ELMO1: variants seen among roughly 807,000 people sequenced by gnomAD.
The protein encoded by ELMO1 is engulfment and cell motility 1.
A neutral mutation model predicts 98.9 loss-of-function variants in ELMO1; 26 were observed. The ratio of observed to expected loss-of-function variants is 0.26; its 90% CI spans 0.19 to 0.36. ELMO1 has a LOEUF of 0.36. Among genes scored for constraint, ELMO1 ranks in the 10% least tolerant of loss-of-function variants. The pLI, the probability that ELMO1 is intolerant of heterozygous loss-of-function variation, is 1.00. For synonymous variants in ELMO1, 346 were observed against 346.0 expected (o/e 1.00, Z 0.00); for missense variants, 627 against 935.2 (o/e 0.67, Z 4.30).
At chr7:37,205,534 A>C (rs567604992) in intron 13 of ELMO1, among the ~76,000 whole-genome samples, 2 of 152,282 alleles carry the variant, frequency 1.3e-5, no homozygotes, top group East Asian at 3.9e-4. Context: ...TCGGAACATA[A>C]AAACAGCACT....
chr7:37,082,719 T>TCAAA (rs34913326), intron 15 of ELMO1, among the ~76,000 whole-genome samples: 23,904 of 151,122 alleles, frequency 0.16, 2,124 homozygotes, highest in Middle Eastern at 0.32. Context: ...TGACCCTGTC[T>TCAAA]CAAACAAACA....
intron 7 of ELMO1, among the ~76,000 whole-genome samples, chr7:37,241,808 A>T (rs904631002): frequency 6.6e-6 from 1 of 152,202 alleles, no homozygotes; most frequent in Non-Finnish European, 1.5e-5. Context: ...ATTGTCATAC[A>T]TATTGCATCA....
In ELMO1 at chr7:37,045,907, C is replaced by T. The variant is rs927374910; in HGVS notation, c.1301-32472G>A. ...TCCCTATCTCATAGGCTCTGAGAGG[C>T]GAAGGATAGCCTTCCTAGGTAGGCA... On this transcript the variant is annotated intron_variant, in intron 15 of 21. Coordinates refer to ENST00000310758, the MANE Select transcript of ELMO1 (RefSeq NM_014800.11). Among the ~76,000 whole-genome samples, 61 of 152,164 alleles carry T rather than the reference C, an allele frequency of 4.0e-4. 1 individual carries two copies. The highest frequency in any genetic ancestry group is 1.7e-4 in the African/African-American group (7 of 41,440).
intron 14 of ELMO1, among the ~76,000 whole-genome samples, chr7:37,123,506 C>T (rs1432794280): frequency 1.3e-5 from 2 of 152,184 alleles, no homozygotes; most frequent in African/African-American, 4.8e-5. Context: ...ATACTATAAA[C>T]ACCTCTACAT....
At chr7:37,417,174 A>T (rs10261084) in intron 1 of ELMO1, among the ~76,000 whole-genome samples, 25,477 of 152,168 alleles carry the variant, frequency 0.17, 2,312 homozygotes, top group South Asian at 0.26. Context: ...AGACTGGACC[A>T]GAGGCAGCTG....
At chr7:37,105,000 C>T (rs1245227627) in intron 14 of ELMO1, among the ~76,000 whole-genome samples, 1 of 152,054 alleles carries the variant, frequency 6.6e-6, no homozygotes, top group African/African-American at 2.4e-5. Flanking sequence ...TAATAAAGGC[C>T]ATAAATATAA....
intron 15 of ELMO1, among the ~76,000 whole-genome samples, chr7:37,060,455 G>A (rs1365021268): frequency 6.6e-6 from 1 of 152,092 alleles, no homozygotes; most frequent in Non-Finnish European, 1.5e-5. Context: ...GGAGCTAAAC[G>A]CTGGGTACAC....
intron 13 of ELMO1, among the ~76,000 whole-genome samples, chr7:37,155,487 C>CAAAAAAAA (rs781745325): frequency 2.4e-4 from 12 of 49,672 alleles, no homozygotes; most frequent in East Asian, 5.9e-4. Flanking sequence ...AAACGGAAAG[C>CAAAAAAAA]AAAAAAAAAA....
chr7:37,112,979 T>C (rs946849369), intron 14 of ELMO1, among the ~76,000 whole-genome samples: 1 of 152,206 alleles, frequency 6.6e-6, no homozygotes, highest in Non-Finnish European at 1.5e-5. Flanking sequence ...ATGAATCCTA[T>C]TCAAAAAGGG....
In ELMO1 at chr7:37,152,160, C is replaced by T. The variant is rs567163246; in HGVS notation, c.1087-18926G>A. ...AAATAAAAAATAAAGCTTTGGTGTC[C>T]TTGTGAACCTCATGCAGTCATGGTT... On this transcript the variant is annotated intron_variant, in intron 13 of 21. Transcript: ENST00000310758. Among the ~76,000 whole-genome samples the T allele has an allele frequency of 4.4e-4, 67 of 152,292 alleles. 1 individual carries two copies. Among genetic ancestry groups the T allele is most frequent in the Admixed American group, 3.9e-3 (60 of 15,306 alleles).
At chr7:37,052,929 A>G (rs1203005575) in intron 15 of ELMO1, among the ~76,000 whole-genome samples, 1 of 152,136 alleles carries the variant, frequency 6.6e-6, no homozygotes, top group Non-Finnish European at 1.5e-5. Context: ...CTCTTCCATA[A>G]AGAAAGCCTG....
chr7:37,153,224 A>T (rs540429927), intron 13 of ELMO1, among the ~76,000 whole-genome samples: 6 of 152,350 alleles, frequency 3.9e-5, no homozygotes, highest in African/African-American at 1.4e-4. Flanking sequence ...ATATTGACGC[A>T]GCAGACGGGT....
intron 13 of ELMO1, among the ~76,000 whole-genome samples, chr7:37,190,003 T>A: frequency 7.3e-6 from 1 of 137,540 alleles, no homozygotes. Flanking sequence ...CCATGCCAAA[T>A]CAGATTTCTA....
At chr7:37,237,166 CT>C (rs1433009087) in intron 7 of ELMO1, among the ~76,000 whole-genome samples, 1 of 152,214 alleles carries the variant, frequency 6.6e-6, no homozygotes, top group African/African-American at 2.4e-5. Context: ...TAGACACCAT[CT>C]TCATTCCAAC....
chr7:37,143,869 C>G (rs1043565943), intron 13 of ELMO1, among the ~76,000 whole-genome samples: 4 of 151,830 alleles, frequency 2.6e-5, no homozygotes, highest in African/African-American at 9.7e-5. Context: ...CGTCACCATG[C>G]CTGGCTAAGT....
intron 1 of ELMO1, among the ~76,000 whole-genome samples, chr7:37,442,691 G>A (rs923603061): frequency 5.9e-5 from 9 of 152,178 alleles, no homozygotes; most frequent in Admixed American, 1.3e-4. Flanking sequence ...CAAAGAGAGG[G>A]ATTGACTCTG....
In ELMO1 at chr7:37,011,263, G is replaced by A. The variant is rs916631783; in HGVS notation, c.1437+2036C>T. ...ACCTGGCAGGGCCCTGAACAGGCAG[G>A]ATGTCTGCCACCAATCTGAGCACAT... On this transcript the variant is annotated intron_variant, in intron 16 of 21. Coordinates refer to ENST00000310758, the MANE Select transcript of ELMO1 (RefSeq NM_014800.11). 2.5e-4 allele frequency among the ~76,000 whole-genome samples: 38 copies of A among 152,172 alleles called. 1 individual carries two copies. Among genetic ancestry groups the A allele is most frequent in the African/African-American group, 9.2e-4 (38 of 41,442 alleles).
At chr7:37,218,455 T>C (rs939958048) in intron 10 of ELMO1, among the ~76,000 whole-genome samples, 1 of 152,086 alleles carries the variant, frequency 6.6e-6, no homozygotes, top group Non-Finnish European at 1.5e-5. Flanking sequence ...AATAAATATT[T>C]TATACTACCC....
chr7:37,081,310 G>A (rs980279473), intron 15 of ELMO1, among the ~76,000 whole-genome samples: 23 of 152,318 alleles, frequency 1.5e-4, no homozygotes, highest in Admixed American at 1.4e-3. Flanking sequence ...AAGTTTGAAT[G>A]AACTTTTGAA....
Sources: allele counts gnomAD v4.1 joint callset (sites outside exome capture counted in the v4.1 genomes callset), GRCh38; gene constraint gnomAD v4.1.1; transcripts MANE v1.5; gene names NCBI Gene and HGNC (gene_info 2026-07-23, HGNC 2026-07-21).